DCC: variants seen among roughly 807,000 people sequenced by gnomAD.
DCC encodes the protein netrin receptor DCC.
DCC carries 58 observed loss-of-function variants against 172.5 expected under a neutral mutation model. That is an observed-to-expected ratio of 0.34 (90% CI 0.27 to 0.42). DCC has a LOEUF of 0.42. Ranked by LOEUF, DCC falls within the 10% of genes least tolerant of loss-of-function variation. The pLI is 1.00. For missense variants in DCC, 1,740 were observed against 1,791.0 expected (o/e 0.97, Z 0.51); for synonymous variants, 709 against 644.5 (o/e 1.10, Z -1.52).
At chr18:52,759,180 C>G (rs539378218) in intron 2 of DCC, 5 of 152,126 alleles carry the variant, frequency 3.3e-5, no homozygotes, top group Non-Finnish European at 2.9e-5. Context: ...ATTTCCCCAA[C>G]GCCTATTCCA....
intron 20 of DCC, among the ~76,000 whole-genome samples, chr18:53,414,374 A>G (rs1422119119): frequency 6.6e-6 from 1 of 152,168 alleles, no homozygotes; most frequent in Non-Finnish European, 1.5e-5. Flanking sequence ...AATAATAATA[A>G]AATGGGTGGG....
chr18:52,890,582 C>A (rs2145420470), intron 2 of DCC, among the ~76,000 whole-genome samples: 1 of 152,090 alleles, frequency 6.6e-6, no homozygotes. Context: ...GAGAGATTAC[C>A]TTGAAGACAT....
At chr18:53,477,522 T>C (rs1419894429) in intron 25 of DCC, among the ~76,000 whole-genome samples, 1 of 152,192 alleles carries the variant, frequency 6.6e-6, no homozygotes, top group Non-Finnish European at 1.5e-5. Context: ...ATAGCATTGT[T>C]CAGATTTCTA....
At chr18:52,598,487 G>A (rs565041253) in intron 1 of DCC, among the ~76,000 whole-genome samples, 2 of 152,288 alleles carry the variant, frequency 1.3e-5, no homozygotes, top group Admixed American at 6.5e-5. Context: ...TCAGATGAAA[G>A]GAGTGAACGC....
intron 5 of DCC, among the ~76,000 whole-genome samples, chr18:52,998,020 A>G (rs949917113): frequency 6.6e-6 from 1 of 152,068 alleles, no homozygotes; most frequent in African/African-American, 2.4e-5. Flanking sequence ...TTATCACCAT[A>G]TAGGCCTGTC....
intron 1 of DCC, among the ~76,000 whole-genome samples, chr18:52,700,364 CACACAT>C (rs2036101750): frequency 3.3e-5 from 5 of 150,418 alleles, no homozygotes; most frequent in Admixed American, 2.0e-4. Context: ...CATGCACACA[CACACAT>C]GCACACACAT....
intron 1 of DCC, among the ~76,000 whole-genome samples, chr18:52,438,113 A>T (rs1987855546): frequency 6.6e-6 from 1 of 152,248 alleles, no homozygotes; most frequent in African/African-American, 2.4e-5. Flanking sequence ...TTCAAAAAAC[A>T]GATCCCAGGG....
At chr18:53,011,767 G>C (rs1465371342) in intron 5 of DCC, among the ~76,000 whole-genome samples, 1 of 150,784 alleles carries the variant, frequency 6.6e-6, no homozygotes, top group African/African-American at 2.4e-5. Flanking sequence ...TTCTACCAAC[G>C]TATTCCATCT....
chr18:52,393,463 T>G (rs1986104727), intron 1 of DCC, among the ~76,000 whole-genome samples: 1 of 152,084 alleles, frequency 6.6e-6, no homozygotes, highest in Admixed American at 6.6e-5. Context: ...ATCCATATTT[T>G]AATCTCTATA....
intron 22 of DCC, among the ~76,000 whole-genome samples, chr18:53,436,430 A>C (rs1046406269): frequency 1.3e-5 from 2 of 152,192 alleles, no homozygotes; most frequent in African/African-American, 4.8e-5. Context: ...AAAATCCAGA[A>C]AGGAAGTCAA....
chr18:52,808,116 T>G (rs1191895709), intron 2 of DCC, among the ~76,000 whole-genome samples: 2 of 152,228 alleles, frequency 1.3e-5, no homozygotes, highest in African/African-American at 4.8e-5. Flanking sequence ...TGTATGAGAT[T>G]TCACAAGCTT....
At chr18:52,670,660 C>A (rs2219555) in intron 1 of DCC, among the ~76,000 whole-genome samples, 3 of 151,898 alleles carry the variant, frequency 2.0e-5, no homozygotes, top group African/African-American at 7.2e-5. Context: ...GCCAACATGG[C>A]GAAACCCCAT....
chr18:52,839,141 C>T (rs1462827602), intron 2 of DCC, among the ~76,000 whole-genome samples: 2 of 152,166 alleles, frequency 1.3e-5, no homozygotes, highest in African/African-American at 2.4e-5. Flanking sequence ...CCTATAAAAA[C>T]GTTTTACTTA....
intron 1 of DCC, among the ~76,000 whole-genome samples, chr18:52,366,342 T>C (rs1378755200): frequency 6.6e-6 from 1 of 152,118 alleles, no homozygotes; most frequent in Non-Finnish European, 1.5e-5. Context: ...AGAACAAAGC[T>C]TCCACAGTGT....
chr18:52,621,482 T>C (rs2034478639), intron 1 of DCC, among the ~76,000 whole-genome samples: 1 of 152,190 alleles, frequency 6.6e-6, no homozygotes, highest in African/African-American at 2.4e-5. Flanking sequence ...CACTTACTCA[T>C]TGCACCTCAT....
chr18:53,155,450 A>T (rs2054715298), intron 7 of DCC, among the ~76,000 whole-genome samples: 1 of 152,216 alleles, frequency 6.6e-6, no homozygotes, highest in Non-Finnish European at 1.5e-5. Context: ...ACATAAAGAA[A>T]ACAGAGTTAT....
intron 12 of DCC, among the ~76,000 whole-genome samples, chr18:53,232,229 T>G (rs2056133205): frequency 6.6e-6 from 1 of 152,224 alleles, no homozygotes; most frequent in African/African-American, 2.4e-5. Context: ...CCAAGTAAAA[T>G]ATTCTTAGTT....
intron 5 of DCC, among the ~76,000 whole-genome samples, chr18:52,991,367 G>A (rs1000037790): frequency 1.3e-5 from 2 of 152,070 alleles, no homozygotes; most frequent in Non-Finnish European, 2.9e-5. Flanking sequence ...AAGTTATGTT[G>A]GACAGAGAAT....
At chr18:52,357,273 T>C (rs1046070675) in intron 1 of DCC, among the ~76,000 whole-genome samples, 1 of 152,134 alleles carries the variant, frequency 6.6e-6, no homozygotes, top group African/African-American at 2.4e-5. Flanking sequence ...CTGGAACTTA[T>C]GCAGAAAACA....
Sources: allele counts gnomAD v4.1 joint callset (sites outside exome capture counted in the v4.1 genomes callset), GRCh38; gene constraint gnomAD v4.1.1; transcripts MANE v1.5; gene names NCBI Gene and HGNC (gene_info 2026-07-23, HGNC 2026-07-21).